Variants in DSC1 observed in about 807,000 individuals in gnomAD.
DSC1 encodes the protein desmocollin 1.
Under a neutral mutation model 98.8 loss-of-function variants are expected in DSC1, and 79 were observed. The ratio of observed to expected loss-of-function variants is 0.80; its 90% CI spans 0.67 to 0.96. The LOEUF is 0.96. DSC1 is among the 50% of genes least tolerant of loss of function. DSC1 has a pLI of 0.00. For synonymous variants in DSC1, 405 were observed against 372.1 expected, an observed-to-expected ratio of 1.09 and a Z score of -1.02; for missense variants, 1,115 against 1,075.9, an observed-to-expected ratio of 1.04 and a Z score of -0.51.
chr18:31,139,248 AC>A (rs1205126991), intron 11 of DSC1, among the ~76,000 whole-genome samples: 1 of 152,134 alleles, frequency 6.6e-6, no homozygotes, highest in Non-Finnish European at 1.5e-5. Context: ...ACCATAAAAG[AC>A]TTAAGTCATT....
At chr18:31,132,485 G>A (rs1378359881) in intron 14 of DSC1, 83 bp downstream of exon 14, 3 of 1,541,860 alleles carry the variant, frequency 1.9e-6, no homozygotes, top group Non-Finnish European at 2.7e-6. Context: ...AAACATTAGT[G>A]ATATTATCAT....
intron 2 of DSC1, among the ~76,000 whole-genome samples, chr18:31,158,108 A>C (rs1434763755): frequency 6.6e-6 from 1 of 152,138 alleles, no homozygotes; most frequent in Non-Finnish European, 1.5e-5. Context: ...CTCTACTAAA[A>C]ATACAAAAAT....
chr18:31,161,371 CAT>C (rs150815803), intron 1 of DSC1, among the ~76,000 whole-genome samples: 8 of 150,548 alleles, frequency 5.3e-5, no homozygotes, highest in Admixed American at 6.6e-5. Flanking sequence ...TATAAATGTA[CAT>C]ATATATATAT....
chr18:31,134,373 T>C lies in DSC1; in HGVS notation c.1876+199A>G, dbSNP rs138917670. Among the ~76,000 whole-genome samples, 3 of 152,200 alleles carry C rather than the reference T, an allele frequency of 2.0e-5. No individual in the cohort carries two copies. In the East Asian group the frequency reaches 5.8e-4, roughly 29 times the overall value. ...TTAATTAAAAAGGGACTTATATGTTTTCTTAAAAGATATTCAGAACAAGAG... is the reference window on the plus strand; with the variant it reads ...TTAATTAAAAAGGGACTTATATGTTCTCTTAAAAGATATTCAGAACAAGAG... On this transcript the variant is annotated intron_variant, in intron 12 of 15. Coordinates refer to ENST00000257198, the MANE Select transcript of DSC1 (RefSeq NM_024421.2).
At chr18:31,139,367 C>A (rs1988680730) in intron 11 of DSC1, among the ~76,000 whole-genome samples, 1 of 152,040 alleles carries the variant, frequency 6.6e-6, no homozygotes, top group Non-Finnish European at 1.5e-5. Context: ...TGAACCCTTT[C>A]AGCAAGCTCA....
intron 11 of DSC1, 116 bp downstream of exon 11, chr18:31,139,631 TA>T: frequency 9.0e-7 from 1 of 1,116,270 alleles, no homozygotes; most frequent in Non-Finnish European, 1.2e-6. Flanking sequence ...ACATGAACAA[TA>T]AAAATGCAAA....
Position 31,148,550 on chromosome 18 carries a change from T to C in DSC1, c.720A>G (p.Pro240=). The change falls in exon 6 of 16, where the codon CCA becomes CCG. Residue 240 remains proline (P), a synonymous_variant. Coordinates refer to ENST00000257198, the MANE Select transcript of DSC1 (RefSeq NM_024421.2). ...IKIEDDNDNA[P]YFEHRVTIFT... is the part of the protein sequence containing the mutation. ...AGATAGTCACTCTGTGTTCAAAATATGGGGCGTTATCATTATCATCTTCAA... is the reference window on the plus strand; with the variant it reads ...AGATAGTCACTCTGTGTTCAAAATACGGGGCGTTATCATTATCATCTTCAA... 2 of 1,612,158 alleles carry C rather than the reference T, an allele frequency of 1.2e-6. No homozygotes were observed. Among genetic ancestry groups the C allele is most frequent in the Non-Finnish European group, 8.5e-7 (1 of 1,178,580 alleles).
intron 13 of DSC1, among the ~76,000 whole-genome samples, chr18:31,133,561 T>C (rs562773617): frequency 6.6e-6 from 1 of 152,284 alleles, no homozygotes; most frequent in South Asian, 2.1e-4. Context: ...AAAGACTATA[T>C]TATTTTACAT....
In DSC1 at chr18:31,134,029, A is replaced by G; in HGVS notation, c.1978T>C (p.Leu660=). 1 of 1,613,148 alleles carries G rather than the reference A, an allele frequency of 6.2e-7. No homozygotes were observed. Among genetic ancestry groups the G allele is most frequent in the Non-Finnish European group, 8.5e-7 (1 of 1,179,664 alleles). ...DRHGLVATHM[L]TVRVCDCSTP... The stretch of plus-strand genomic sequence containing the variant: ...GAACAGTCACATACTCTCACTGTTA[A>G]CATATGTGTTGCAACTAAACCATGC... The change falls in exon 13 of 16, where the codon TTA becomes CTA. Residue 660 remains leucine, a synonymous_variant. Transcript: ENST00000257198.
At chr18:31,137,947 C>T (rs556531856) in intron 11 of DSC1, among the ~76,000 whole-genome samples, 2 of 149,010 alleles carry the variant, frequency 1.3e-5, no homozygotes, top group South Asian at 2.2e-4. Flanking sequence ...CAGGAATAAT[C>T]ATGAGCATCA....
chr18:31,131,409 C>G (rs1024609307), intron 15 of DSC1, 185 bp downstream of exon 15: 1 of 831,518 alleles, frequency 1.2e-6, no homozygotes, highest in African/African-American at 1.7e-5. Context: ...ACTGTATTTT[C>G]AAAGGTGAAT....
intron 8 of DSC1, among the ~76,000 whole-genome samples, chr18:31,142,456 A>G (rs1204141416): frequency 6.6e-6 from 1 of 152,212 alleles, no homozygotes; most frequent in South Asian, 2.1e-4. Flanking sequence ...CCTCAGATTT[A>G]TCTCTTCTCT....
intron 4 of DSC1, among the ~76,000 whole-genome samples, chr18:31,155,346 T>C (rs1989075327): frequency 6.6e-6 from 1 of 152,152 alleles, no homozygotes; most frequent in South Asian, 2.1e-4. Context: ...TTAGAAAATT[T>C]TGGCCGGGCG....
chr18:31,130,663 A>G lies in DSC1; in HGVS notation c.2536T>C (p.Tyr846His). The G allele has an allele frequency of 6.2e-7, 1 of 1,614,200 alleles. No homozygotes were observed. The highest frequency in any genetic ancestry group is 1.1e-5 in the South Asian group (1 of 91,084). Residue 846 changes from tyrosine (Y) to histidine (H), a missense_variant, in exon 16 of 16, where the codon TAC becomes CAC. Coordinates refer to ENST00000257198, the MANE Select transcript of DSC1 (RefSeq NM_024421.2). ...CCTTCATAGTTATACGAACAAACGT[A>G]GTCTTCACAATGTTTATGCTCCTCA... is the stretch of plus-strand genomic sequence containing the variant. ...QDEEHKHCED[Y>H]VCSYNYEGKG...
intron 5 of DSC1, among the ~76,000 whole-genome samples, chr18:31,151,674 G>A (rs971140511): frequency 6.6e-6 from 1 of 152,106 alleles, no homozygotes; most frequent in Non-Finnish European, 1.5e-5. Context: ...TGAAATTGCT[G>A]TCATCTTTGG....
chr18:31,138,245 TTCTCC>T (rs1988653968), intron 11 of DSC1, among the ~76,000 whole-genome samples: 1 of 152,238 alleles, frequency 6.6e-6, no homozygotes, highest in Admixed American at 6.5e-5. Flanking sequence ...CTCCATAATT[TTCTCC>T]TCTCCAGATA....
chr18:31,129,282 C>T lies in DSC1; in HGVS notation c.*1232G>A, dbSNP rs1331137067. ...CGGAGTTTCGCTCTTGTTGCCCAGGCTGGAGTGCAGTGGCAATCTCGGCTC... is the reference window on the plus strand; with the variant it reads ...CGGAGTTTCGCTCTTGTTGCCCAGGTTGGAGTGCAGTGGCAATCTCGGCTC... On this transcript the variant is annotated 3_prime_UTR_variant, in exon 16 of 16. Transcript: ENST00000257198. 1 of 146,172 alleles carries T rather than the reference C, an allele frequency of 6.8e-6. No individual in the cohort carries two copies. The highest frequency in any genetic ancestry group is 7.0e-5 in the Admixed American group (1 of 14,248). 9.1% of individuals were successfully genotyped at this position (146,172 alleles called of 1,614,324 possible).
intron 13 of DSC1, 95 bp downstream of exon 13, chr18:31,133,796 C>G (rs1988545578): frequency 7.9e-7 from 1 of 1,261,966 alleles, no homozygotes; most frequent in Admixed American, 2.6e-5. Flanking sequence ...AACACACTTC[C>G]CAAAGGCTAT....
At position 31,133,998 on chromosome 18, in the gene DSC1, G is replaced by C; in HGVS notation, c.2009C>G (p.Pro670Arg). 6.2e-7 allele frequency: 1 copy of C among 1,613,314 alleles called. No individual in the cohort carries two copies. Among genetic ancestry groups the C allele is most frequent in the Non-Finnish European group, 8.5e-7 (1 of 1,179,654 alleles). Residue 670 changes from proline (P) to arginine (R), a missense_variant, in exon 13 of 16, where the codon CCA becomes CGA. Transcript: ENST00000257198. ...TTTATCCTTCATTCTACACTCAGAT[G>C]GAGTTGAACAGTCACATACTCTCAC... ...LTVRVCDCST[P>R]SECRMKDKST...
Sources: gnomAD v4.1 joint callset for allele counts (sites outside exome capture counted in the v4.1 genomes callset) on GRCh38, gnomAD v4.1.1 for gene constraint, MANE v1.5 for transcripts, NCBI Gene and HGNC (gene_info 2026-07-23, HGNC 2026-07-21) for gene names.